TMEM163: variants seen among roughly 807,000 people sequenced by gnomAD.
TMEM163 encodes transmembrane protein 163.
Under a neutral mutation model 29.3 loss-of-function variants are expected in TMEM163, and 17 were observed. That is an observed-to-expected ratio of 0.58 (90% CI 0.40 to 0.87). TMEM163 has a LOEUF of 0.87. Ranked by LOEUF, TMEM163 falls within the 40% of genes least tolerant of loss-of-function variation. TMEM163 has a pLI of 0.00. For synonymous variants in TMEM163, 157 were observed against 160.6 expected, an observed-to-expected ratio of 0.98 and a Z score of 0.17; for missense variants, 303 against 381.5, an observed-to-expected ratio of 0.79 and a Z score of 1.71.
At chr2:134,638,738 C>A (rs1683162912) in intron 2 of TMEM163, among the ~76,000 whole-genome samples, 1 of 152,120 alleles carries the variant, frequency 6.6e-6, no homozygotes, top group Admixed American at 6.5e-5. Flanking sequence ...AGGGGAGAAC[C>A]AAAGGCTCCT....
intron 2 of TMEM163, among the ~76,000 whole-genome samples, chr2:134,661,481 C>T (rs995954969): frequency 6.6e-6 from 1 of 152,196 alleles, no homozygotes; most frequent in Non-Finnish European, 1.5e-5. Flanking sequence ...ACAATGGCTT[C>T]CCGCCACAGC....
chr2:134,648,729 C>T (rs1302836735), intron 2 of TMEM163, among the ~76,000 whole-genome samples: 1 of 152,172 alleles, frequency 6.6e-6, no homozygotes, highest in East Asian at 1.9e-4. Flanking sequence ...AGTGTTGTTG[C>T]TTCTAATTAT....
At chr2:134,637,953 C>T (rs1043874697) in intron 2 of TMEM163, among the ~76,000 whole-genome samples, 1 of 152,134 alleles carries the variant, frequency 6.6e-6, no homozygotes, top group Non-Finnish European at 1.5e-5. Flanking sequence ...TTTCCAAGAA[C>T]CAATCAACAA....
intron 2 of TMEM163, among the ~76,000 whole-genome samples, chr2:134,566,283 G>C (rs1393848808): frequency 6.6e-6 from 1 of 152,100 alleles, no homozygotes; most frequent in Non-Finnish European, 1.5e-5. Flanking sequence ...TACAATGGCA[G>C]ATATAAAAGG....
At chr2:134,718,383 G>A (rs1250638944) in intron 1 of TMEM163, among the ~76,000 whole-genome samples, 1 of 152,244 alleles carries the variant, frequency 6.6e-6, no homozygotes, top group Non-Finnish European at 1.5e-5. Flanking sequence ...GTAGGGCCCG[G>A]AGTGGCCCAG....
At chr2:134,466,399 GAA>G in intron 5 of TMEM163, 174 bp from the exon 6 acceptor site, 1 of 563,258 alleles carries the variant, frequency 1.8e-6, no homozygotes, top group South Asian at 2.3e-5. Context: ...CCAGGAATTG[GAA>G]AAGATGCTCA....
At chr2:134,588,661 G>A (rs1681872528) in intron 2 of TMEM163, among the ~76,000 whole-genome samples, 1 of 152,186 alleles carries the variant, frequency 6.6e-6, no homozygotes, top group Non-Finnish European at 1.5e-5. Context: ...GCTAGATGGG[G>A]TAAGAGGAAA....
intron 2 of TMEM163, among the ~76,000 whole-genome samples, chr2:134,578,054 A>G (rs1245583872): frequency 1.3e-5 from 2 of 152,102 alleles, no homozygotes; most frequent in Admixed American, 1.3e-4. Context: ...GAATGACTCT[A>G]CTTCTATCAT....
intron 1 of TMEM163, among the ~76,000 whole-genome samples, chr2:134,718,405 T>C (rs1284956294): frequency 6.6e-6 from 1 of 152,152 alleles, no homozygotes; most frequent in African/African-American, 2.4e-5. Flanking sequence ...AGCGCTCGAC[T>C]CCGAACGCAA....
At chr2:134,691,474 G>A (rs980308199) in intron 2 of TMEM163, among the ~76,000 whole-genome samples, 20 of 152,134 alleles carry the variant, frequency 1.3e-4, no homozygotes, top group Admixed American at 1.3e-3. Flanking sequence ...TTCTGAACTT[G>A]GGAAGAGAAA....
chr2:134,672,802 C>T (rs1684021300), intron 2 of TMEM163, among the ~76,000 whole-genome samples: 1 of 152,152 alleles, frequency 6.6e-6, no homozygotes. Context: ...ACCCTTTGCC[C>T]TGCTCATCCA....
intron 2 of TMEM163, among the ~76,000 whole-genome samples, chr2:134,570,710 C>CAGA (rs1447543498): frequency 1.3e-5 from 2 of 152,130 alleles, no homozygotes; most frequent in East Asian, 3.9e-4. Flanking sequence ...ATAGGACAAT[C>CAGA]AGAATCCTTT....
At chr2:134,507,538 C>G (rs1679851320) in intron 4 of TMEM163, among the ~76,000 whole-genome samples, 1 of 152,188 alleles carries the variant, frequency 6.6e-6, no homozygotes, top group East Asian at 1.9e-4. Flanking sequence ...TTAATAAGCC[C>G]TTCAGGTGAT....
intron 2 of TMEM163, among the ~76,000 whole-genome samples, chr2:134,636,126 G>A (rs1683098385): frequency 6.6e-6 from 1 of 152,180 alleles, no homozygotes; most frequent in African/African-American, 2.4e-5. Context: ...TGTGGACCAA[G>A]GGTCTGCCAG....
chr2:134,713,117 A>G (rs1684960908), intron 2 of TMEM163, 83 bp downstream of exon 2: 1 of 1,553,118 alleles, frequency 6.4e-7, no homozygotes, highest in Non-Finnish European at 8.6e-7. Flanking sequence ...AGTCAACTAA[A>G]AGCAAAAGCA....
chr2:134,520,868 CAT>C (rs1237344716), intron 4 of TMEM163, among the ~76,000 whole-genome samples: 1 of 152,218 alleles, frequency 6.6e-6, no homozygotes, highest in Non-Finnish European at 1.5e-5. Context: ...CTGTGAGGCT[CAT>C]AAAGAATTCT....
chr2:134,529,617 G>T (rs1680376291), intron 4 of TMEM163, among the ~76,000 whole-genome samples: 1 of 151,842 alleles, frequency 6.6e-6, no homozygotes, highest in African/African-American at 2.4e-5. Flanking sequence ...GCCGGGCATG[G>T]TGGTACACAC....
chr2:134,702,785 A>T (rs1684731647), intron 2 of TMEM163, among the ~76,000 whole-genome samples: 1 of 152,180 alleles, frequency 6.6e-6, no homozygotes, highest in Non-Finnish European at 1.5e-5. Context: ...AGCTCAATAG[A>T]AAGGTAGGAA....
rs995832333 is a variant in TMEM163 at position 134,496,578 on chromosome 2, G to A, written c.555+6323C>T. 3.3e-5 allele frequency among the ~76,000 whole-genome samples: 5 copies of A among 152,290 alleles called. No individual in the cohort carries two copies. The East Asian group carries it at 9.7e-4, about 29-fold the overall frequency. ...CCAGAGCCACAATCCATGGGGACTG[G>A]AGACCAAATGACGCTAATGACTGCA... On this transcript the variant is annotated intron_variant, in intron 5 of 7. Coordinates refer to ENST00000281924, the MANE Select transcript of TMEM163 (RefSeq NM_030923.5).
Sources: gnomAD v4.1 joint callset for allele counts (sites outside exome capture counted in the v4.1 genomes callset) on GRCh38, gnomAD v4.1.1 for gene constraint, MANE v1.5 for transcripts, NCBI Gene and HGNC (gene_info 2026-07-23, HGNC 2026-07-21) for gene names.